Variants in SLC25A21 observed in about 807,000 individuals in gnomAD.
SLC25A21 encodes the protein mitochondrial 2-oxodicarboxylate carrier.
SLC25A21 carries 47 observed loss-of-function variants against 43.8 expected under a neutral mutation model. The observed-to-expected ratio is 1.07, with a 90% CI of 0.85 to 1.37. The LOEUF is 1.37. Among genes scored for constraint, SLC25A21 ranks in the 40% most tolerant of loss-of-function variants. The pLI, the probability that SLC25A21 is intolerant of heterozygous loss-of-function variation, is 0.00. For synonymous variants in SLC25A21, 131 were observed against 121.3 expected, an observed-to-expected ratio of 1.08 and a Z score of -0.52; for missense variants, 352 against 350.2, an observed-to-expected ratio of 1.00 and a Z score of -0.04.
chr14:37,112,243 C>T (rs1039950128), intron 1 of SLC25A21, among the ~76,000 whole-genome samples: 6 of 152,072 alleles, frequency 3.9e-5, no homozygotes, highest in African/African-American at 7.2e-5. Context: ...TTGCCGCCGC[C>T]GCCAAAATAC....
chr14:37,098,708 G>T (rs925402218), intron 1 of SLC25A21: 1 of 51,164 alleles, frequency 2.0e-5, no homozygotes, highest in Admixed American at 2.8e-4. Context: ...TAGATAGATA[G>T]ATAGATAGAT....
At chr14:36,972,713 G>C (rs558530307) in intron 1 of SLC25A21, among the ~76,000 whole-genome samples, 122 of 152,316 alleles carry the variant, frequency 8.0e-4, no homozygotes, top group South Asian at 6.0e-3. Flanking sequence ...TAAAGGCAAA[G>C]CAAGATCAGA....
chr14:36,818,611 G>A (rs532045333), intron 2 of SLC25A21, among the ~76,000 whole-genome samples: 2 of 152,266 alleles, frequency 1.3e-5, no homozygotes, highest in Non-Finnish European at 2.9e-5. Context: ...TCATGTCTAC[G>A]CTTTGCAGAG....
chr14:37,125,309 C>A (rs760999483), intron 1 of SLC25A21, among the ~76,000 whole-genome samples: 9 of 152,130 alleles, frequency 5.9e-5, no homozygotes, highest in African/African-American at 1.9e-4. Flanking sequence ...AGTGATACTT[C>A]GGTTAACATA....
chr14:36,712,107 AT>A (rs1306639011), intron 6 of SLC25A21, among the ~76,000 whole-genome samples: 1 of 152,176 alleles, frequency 6.6e-6, no homozygotes, highest in Admixed American at 6.5e-5. Context: ...CCACCTTGAA[AT>A]TACTCCTTTC....
intron 1 of SLC25A21, among the ~76,000 whole-genome samples, chr14:36,966,812 G>A (rs1959627509): frequency 6.6e-6 from 1 of 152,136 alleles, no homozygotes; most frequent in South Asian, 2.1e-4. Flanking sequence ...GGAACTTGGG[G>A]AACCAGAACT....
chr14:36,685,526 C>T (rs146848929), intron 7 of SLC25A21, among the ~76,000 whole-genome samples: 1 of 152,268 alleles, frequency 6.6e-6, no homozygotes, highest in Non-Finnish European at 1.5e-5. Context: ...ACATTCTGTG[C>T]ATTATAAACA....
chr14:37,001,804 A>G (rs544152408), intron 1 of SLC25A21, among the ~76,000 whole-genome samples: 1 of 152,294 alleles, frequency 6.6e-6, no homozygotes, highest in African/African-American at 2.4e-5. Flanking sequence ...AAAAATGGAA[A>G]ATCATTTTAC....
At chr14:36,726,738 C>T (rs943491637) in intron 5 of SLC25A21, among the ~76,000 whole-genome samples, 2 of 152,190 alleles carry the variant, frequency 1.3e-5, no homozygotes, top group Admixed American at 6.5e-5. Flanking sequence ...AAGCCCCAGT[C>T]TCCAAAACAG....
chr14:36,742,026 G>C (rs1237273688), intron 3 of SLC25A21, among the ~76,000 whole-genome samples: 1 of 152,088 alleles, frequency 6.6e-6, no homozygotes, highest in East Asian at 1.9e-4. Flanking sequence ...TTTACAATTT[G>C]TTCTTCTTTC....
chr14:36,871,286 G>A (rs1219447904), intron 2 of SLC25A21, among the ~76,000 whole-genome samples: 1 of 152,102 alleles, frequency 6.6e-6, no homozygotes, highest in African/African-American at 2.4e-5. Flanking sequence ...TGAGGACACA[G>A]CAAGAAGGCA....
At chr14:37,110,010 A>G (rs1036772292) in intron 1 of SLC25A21, among the ~76,000 whole-genome samples, 3 of 152,218 alleles carry the variant, frequency 2.0e-5, no homozygotes, top group Non-Finnish European at 2.9e-5. Flanking sequence ...AAAATAGTTT[A>G]TGGTTACTCT....
intron 1 of SLC25A21, among the ~76,000 whole-genome samples, chr14:37,001,444 C>A (rs1960487459): frequency 6.6e-6 from 1 of 152,136 alleles, no homozygotes; most frequent in Non-Finnish European, 1.5e-5. Flanking sequence ...GAATTTAGAT[C>A]CAAGCAGGCC....
intron 1 of SLC25A21, among the ~76,000 whole-genome samples, chr14:36,944,699 C>G (rs1892641307): frequency 6.6e-6 from 1 of 152,148 alleles, no homozygotes; most frequent in African/African-American, 2.4e-5. Flanking sequence ...TATGTGCCTC[C>G]TTAACAAAGA....
intron 1 of SLC25A21, among the ~76,000 whole-genome samples, chr14:37,116,165 G>A (rs768419702): frequency 1.3e-5 from 2 of 151,958 alleles, no homozygotes; most frequent in South Asian, 2.1e-4. Flanking sequence ...AGCACTAAGC[G>A]AATACATGTT....
intron 1 of SLC25A21, among the ~76,000 whole-genome samples, chr14:37,018,006 T>G (rs1960900717): frequency 1.3e-5 from 2 of 151,956 alleles, no homozygotes; most frequent in Non-Finnish European, 1.5e-5. Flanking sequence ...TTGTAAACTA[T>G]GCAATGATAT....
rs956204405 is a variant in SLC25A21, at chr14:37,153,523, G to C, written c.70+18758C>G. Among the ~76,000 whole-genome samples, 12 of 152,318 alleles carry C rather than the reference G, an allele frequency of 7.9e-5. No homozygotes were observed. The East Asian group carries it at 1.2e-3, about 15-fold the overall frequency. On this transcript the variant is annotated intron_variant, in intron 1 of 9. Transcript: ENST00000331299. ...GGGTGGGTGCTCCTACAGCTGGGGTGGGGGAACAAGCTAAGCATCAGCTAC... is the reference window on the plus strand; with the variant it reads ...GGGTGGGTGCTCCTACAGCTGGGGTCGGGGAACAAGCTAAGCATCAGCTAC...
intron 1 of SLC25A21, among the ~76,000 whole-genome samples, chr14:37,076,997 G>C (rs1962294545): frequency 6.6e-6 from 1 of 152,082 alleles, no homozygotes; most frequent in Admixed American, 6.6e-5. Flanking sequence ...TGAAATATTG[G>C]GGTTCCATGT....
At chr14:37,090,480 T>C (rs2138849903) in intron 1 of SLC25A21, among the ~76,000 whole-genome samples, 1 of 152,314 alleles carries the variant, frequency 6.6e-6, no homozygotes, top group East Asian at 1.9e-4. Flanking sequence ...ATAAAGGATA[T>C]GAAGGTGACA....
Sources: gnomAD v4.1 joint callset for allele counts (sites outside exome capture counted in the v4.1 genomes callset) on GRCh38, gnomAD v4.1.1 for gene constraint, MANE v1.5 for transcripts, NCBI Gene and HGNC (gene_info 2026-07-23, HGNC 2026-07-21) for gene names.